Variants in DIAPH2 observed in about 807,000 individuals in gnomAD.
The protein encoded by DIAPH2 is diaphanous related formin 2, also known as protein diaphanous homolog 2.
Under a neutral mutation model 92.7 loss-of-function variants are expected in DIAPH2, and 35 were observed. That is an observed-to-expected ratio of 0.38 (90% CI 0.29 to 0.50). The LOEUF (loss-of-function observed/expected upper bound fraction) is 0.50, where lower values mean the gene tolerates loss of function less well. DIAPH2 is among the 20% of genes least tolerant of loss of function. The pLI is 0.94. For missense variants in DIAPH2, 701 were observed against 819.5 expected (o/e 0.86, Z 1.77); for synonymous variants, 301 against 280.4 (o/e 1.07, Z -0.73).
chrX:96,732,479 T>C (rs2064061788), intron 1 of DIAPH2, among the ~76,000 whole-genome samples: 1 of 111,956 alleles, frequency 8.9e-6, no homozygotes, highest in South Asian at 3.7e-4. Context: ...GATTTTTACA[T>C]GAGGGAAATC....
chrX:96,937,965 C>T (rs766862148), intron 11 of DIAPH2, among the ~76,000 whole-genome samples: 9 of 111,188 alleles, frequency 8.1e-5, no homozygotes, highest in East Asian at 2.8e-4. Flanking sequence ...CCATTTGTTT[C>T]GCACCTGTTA....
intron 23 of DIAPH2, among the ~76,000 whole-genome samples, chrX:97,306,001 G>C (rs983169691): frequency 3.7e-5 from 4 of 107,583 alleles, no homozygotes; most frequent in African/African-American, 1.4e-4. Context: ...CCCAGAAAAA[G>C]GTTTGCCTGT....
chrX:97,385,801 C>T (rs1326833186), intron 25 of DIAPH2, among the ~76,000 whole-genome samples: 1 of 111,850 alleles, frequency 8.9e-6, no homozygotes, highest in East Asian at 2.8e-4. Flanking sequence ...AGGAATTTTA[C>T]ATTTAGGAAC....
intron 23 of DIAPH2, among the ~76,000 whole-genome samples, chrX:97,275,351 G>A (rs763764827): frequency 9.6e-6 from 1 of 104,381 alleles, no homozygotes; most frequent in South Asian, 4.4e-4. Flanking sequence ...CCTGGGTGGG[G>A]CAGCTGGCCG....
intron 23 of DIAPH2, among the ~76,000 whole-genome samples, chrX:97,269,758 T>A (rs760035991): frequency 5.7e-4 from 62 of 107,947 alleles, no homozygotes; most frequent in East Asian, 5.2e-3. Context: ...TTTATTTTTT[T>A]TTTTTTTTTT....
In DIAPH2 at chrX:97,359,868, G is replaced by A. The variant is rs1018849587; in HGVS notation, c.3009+11588G>A. 2.7e-5 allele frequency among the ~76,000 whole-genome samples: 3 copies of A among 110,945 alleles called. No homozygotes were observed. The Admixed American group carries it at 2.9e-4, about 11-fold the overall frequency. On this transcript the variant is annotated intron_variant, in intron 24 of 26. Transcript: ENST00000324765. ...TGGGAATACAGGCGTGAGCCACTGC[G>A]CCCGGCCATGTTATAATCTTAATAA... is the stretch of plus-strand genomic sequence containing the variant.
intron 23 of DIAPH2, among the ~76,000 whole-genome samples, chrX:97,257,931 A>G (rs895434647): frequency 2.8e-5 from 3 of 105,772 alleles, no homozygotes; most frequent in Non-Finnish European, 1.9e-5. Context: ...AAATAATTCT[A>G]TCCCCCAAGG....
At chrX:97,520,998 T>C (rs1261524948) in intron 26 of DIAPH2, among the ~76,000 whole-genome samples, 2 of 111,706 alleles carry the variant, frequency 1.8e-5, no homozygotes, top group East Asian at 5.6e-4. Context: ...ATTTGTATGT[T>C]GAAGTCTACC....
At chrX:97,171,213 G>A (rs1364661891) in intron 22 of DIAPH2, among the ~76,000 whole-genome samples, 1 of 112,036 alleles carries the variant, frequency 8.9e-6, no homozygotes, top group Non-Finnish European at 1.9e-5. Flanking sequence ...TACCATGTTT[G>A]TCTTTCCTTA....
At chrX:97,305,035 G>A (rs983136590) in intron 23 of DIAPH2, among the ~76,000 whole-genome samples, 2 of 111,682 alleles carry the variant, frequency 1.8e-5, no homozygotes, top group Non-Finnish European at 3.8e-5. Flanking sequence ...AAATGATTAT[G>A]TAGGAAGTAG....
intron 4 of DIAPH2, among the ~76,000 whole-genome samples, chrX:96,802,510 G>A (rs772902762): frequency 2.5e-4 from 28 of 111,731 alleles, no homozygotes; most frequent in Non-Finnish European, 4.7e-4. Flanking sequence ...TCAAATATTA[G>A]CAGACATTTG....
intron 22 of DIAPH2, among the ~76,000 whole-genome samples, chrX:97,208,291 G>T (rs1602417927): frequency 1.8e-5 from 2 of 111,871 alleles, no homozygotes; most frequent in South Asian, 3.7e-4. Flanking sequence ...ACAAGACATG[G>T]TCCCTTTTTC....
At chrX:96,998,358 G>A (rs1353160243) in intron 17 of DIAPH2, among the ~76,000 whole-genome samples, 1 of 110,557 alleles carries the variant, frequency 9.0e-6, no homozygotes, top group Non-Finnish European at 1.9e-5. Context: ...TTTTGAATTG[G>A]GGGGAGAAAT....
intron 17 of DIAPH2, among the ~76,000 whole-genome samples, chrX:97,002,972 C>T (rs1200489551): frequency 9.0e-6 from 1 of 111,645 alleles, no homozygotes; most frequent in African/African-American, 3.3e-5. Flanking sequence ...TGCTAACCAT[C>T]GTTCTACTAT....
intron 8 of DIAPH2, 93 bp downstream of exon 8, chrX:96,916,667 T>C (rs2065506969): frequency 3.3e-6 from 3 of 909,986 alleles, no homozygotes; most frequent in Non-Finnish European, 4.5e-6. Flanking sequence ...TTGGATAACT[T>C]TCATGAAAAC....
chrX:97,348,070 GC>G (rs2069174581), intron 23 of DIAPH2, 45 bp from the exon 24 acceptor site: 15 of 1,145,682 alleles, frequency 1.3e-5, no homozygotes, highest in Non-Finnish European at 1.8e-5. Context: ...GTGATTGATT[GC>G]CTTTAAAAGG....
intron 21 of DIAPH2, among the ~76,000 whole-genome samples, chrX:97,117,004 G>C (rs1254758468): frequency 9.0e-6 from 1 of 111,389 alleles, no homozygotes; most frequent in Admixed American, 9.6e-5. Context: ...AAAGATTTTT[G>C]CCAACTTCAA....
At chrX:97,110,395 G>A (rs746909209) in intron 20 of DIAPH2, among the ~76,000 whole-genome samples, 28 of 111,214 alleles carry the variant, frequency 2.5e-4, no homozygotes, top group African/African-American at 9.1e-4. Flanking sequence ...TGTCAATAAA[G>A]CAATTTTATT....
chrX:97,512,160 G>C (rs1319610741), intron 26 of DIAPH2, among the ~76,000 whole-genome samples: 2 of 113,256 alleles, frequency 1.8e-5, no homozygotes, highest in Non-Finnish European at 3.7e-5. Context: ...TGGTTGGTAA[G>C]CTATTGATTA....
Sources: allele counts gnomAD v4.1 joint callset (sites outside exome capture counted in the v4.1 genomes callset), GRCh38; gene constraint gnomAD v4.1.1; transcripts MANE v1.5; gene names NCBI Gene and HGNC (gene_info 2026-07-23, HGNC 2026-07-21).